Variants in NCAPH observed in about 807,000 individuals in gnomAD.
NCAPH encodes condensin complex subunit 2.
In NCAPH, 38 loss-of-function variants were observed where a neutral mutation model predicts 85.5. The ratio of observed to expected loss-of-function variants is 0.44; its 90% CI spans 0.34 to 0.58. The LOEUF is 0.58. Among genes scored for constraint, NCAPH ranks in the 20% least tolerant of loss-of-function variants. The probability of loss-of-function intolerance (pLI) is 0.01; values close to 1 mark genes in which losing one functional copy is unlikely to be tolerated. For missense variants in NCAPH, 789 were observed against 916.6 expected (o/e 0.86, Z 1.80); for synonymous variants, 301 against 335.1 (o/e 0.90, Z 1.11).
In NCAPH at chr2:96,343,232, G is replaced by A. The variant is rs1401741983; in HGVS notation, c.523G>A (p.Asp175Asn). 37 of 1,614,050 alleles carry A rather than the reference G, an allele frequency of 2.3e-5. No individual in the cohort carries two copies. The highest frequency in any genetic ancestry group is 3.0e-5 in the Non-Finnish European group (35 of 1,180,044). ...YAVRVDAVHA[D>N]VYRVLGGLGK... is the part of the protein sequence containing the mutation. Reference sequence around the variant, plus strand: ...TGTGCGCGTGGATGCCGTCCATGCCGATGTATACAGAGTCCTTGGGGGGCT... The same window carrying A: ...TGTGCGCGTGGATGCCGTCCATGCCAATGTATACAGAGTCCTTGGGGGGCT... Residue 175 changes from aspartate (D) to asparagine (N), a missense_variant, in exon 5 of 18, where the codon GAT becomes AAT. Coordinates refer to ENST00000240423, the MANE Select transcript of NCAPH (RefSeq NM_015341.5).
At chr2:96,345,595 G>C (rs1055361087) in intron 6 of NCAPH, among the ~76,000 whole-genome samples, 4 of 152,306 alleles carry the variant, frequency 2.6e-5, no homozygotes, top group Admixed American at 1.3e-4. Flanking sequence ...CCCTAACAGG[G>C]AGCTGCCGGC....
Position 96,373,561 on chromosome 2 carries a change from T to C in NCAPH, c.*210T>C, listed in dbSNP as rs959810186. Reference sequence around the variant, plus strand: ...CCGTGCTCAACTGATTAAACTTTACTGCCCTATGGTGACCATCTAGGAGAG... The same window carrying C: ...CCGTGCTCAACTGATTAAACTTTACCGCCCTATGGTGACCATCTAGGAGAG... On this transcript the variant is annotated 3_prime_UTR_variant, in exon 18 of 18. Transcript: ENST00000240423. 17 of 511,670 alleles carry C rather than the reference T, an allele frequency of 3.3e-5. No individual in the cohort carries two copies. The highest frequency in any genetic ancestry group is 5.6e-5 in the Non-Finnish European group (16 of 285,370). 31.7% of individuals were successfully genotyped at this position (511,670 alleles called of 1,614,324 possible).
At chr2:96,360,028 C>T in intron 10 of NCAPH, 115 bp from the exon 11 acceptor site, 3 of 665,430 alleles carry the variant, frequency 4.5e-6, no homozygotes, top group South Asian at 1.7e-5. Context: ...TGCTCAGACA[C>T]AATGCTGCCT....
chr2:96,371,951 G>A (rs1040307536), intron 17 of NCAPH, among the ~76,000 whole-genome samples: 8 of 152,212 alleles, frequency 5.3e-5, no homozygotes, highest in Non-Finnish European at 8.8e-5. Context: ...AGCCAGTGAT[G>A]GACGTGAGGC....
chr2:96,349,270 C>T (rs2064404093), intron 6 of NCAPH, among the ~76,000 whole-genome samples: 2 of 152,032 alleles, frequency 1.3e-5, no homozygotes, highest in Admixed American at 6.5e-5. Context: ...GCTTTTTTTG[C>T]TCTGTAAGTT....
chr2:96,348,027 T>C (rs1219429686), intron 6 of NCAPH, among the ~76,000 whole-genome samples: 1 of 152,098 alleles, frequency 6.6e-6, no homozygotes, highest in African/African-American at 2.4e-5. Context: ...GTGTAGCATA[T>C]CACCATGTTT....
At chr2:96,342,264 C>A in intron 3 of NCAPH, 124 bp downstream of exon 3, 2 of 957,446 alleles carry the variant, frequency 2.1e-6, no homozygotes, top group Non-Finnish European at 3.2e-6. Flanking sequence ...CATCTTAGTG[C>A]TGGTGGTTTT....
At chr2:96,357,856 A>G (rs148314069) in intron 9 of NCAPH, among the ~76,000 whole-genome samples, 243 of 152,318 alleles carry the variant, frequency 1.6e-3, no homozygotes, top group African/African-American at 5.1e-3. Flanking sequence ...GGCTCAATAC[A>G]AATACAAGGC....
rs1427116282 is a variant in NCAPH at position 96,374,316 on chromosome 2, AG to A, written c.*966del. ...ACAGGCTCAGCAGTGGGTGGAGAGC[AG>A]TGCTCAGATTTGTCCATCTCCACAG... On this transcript the variant is annotated 3_prime_UTR_variant, in exon 18 of 18. Coordinates refer to ENST00000240423, the MANE Select transcript of NCAPH (RefSeq NM_015341.5). 6.6e-6 allele frequency among the ~76,000 whole-genome samples: 1 copy of A among 152,228 alleles called. No individual in the cohort carries two copies. The highest frequency in any genetic ancestry group is 2.4e-5 in the African/African-American group (1 of 41,454).
Position 96,374,770 on chromosome 2 carries a change from A to C in NCAPH, c.*1419A>C, listed in dbSNP as rs1056944847. ...TCTTGCTGGGGCTGAAGCCTCCATC[A>C]CTTTCCCAGGCCAGGTTAGTGCTGG... On this transcript the variant is annotated 3_prime_UTR_variant, in exon 18 of 18. Coordinates refer to ENST00000240423, the MANE Select transcript of NCAPH (RefSeq NM_015341.5). Among the ~76,000 whole-genome samples, 3 of 152,114 alleles carry C rather than the reference A, an allele frequency of 2.0e-5. No individual in the cohort carries two copies. The highest frequency in any genetic ancestry group is 7.2e-5 in the African/African-American group (3 of 41,426).
intron 1 of NCAPH, among the ~76,000 whole-genome samples, chr2:96,339,782 C>G (rs182919285): frequency 4.8e-4 from 73 of 152,200 alleles, no homozygotes; most frequent in Non-Finnish European, 7.9e-4. Flanking sequence ...CAGTCCTCAT[C>G]TACATAGTTT....
rs754690400 is a variant in NCAPH at position 96,337,101 on chromosome 2, C to T, written c.19+1253C>T. On this transcript the variant is annotated intron_variant, in intron 1 of 17. Transcript: ENST00000240423. ...AATGAGTGGGAAATGAGGAAGTAGACATAGGAAGTGTCTTTGAGCTCAGTA... is the reference window on the plus strand; with the variant it reads ...AATGAGTGGGAAATGAGGAAGTAGATATAGGAAGTGTCTTTGAGCTCAGTA... Among the ~76,000 whole-genome samples the T allele has an allele frequency of 1.8e-4, 27 of 152,280 alleles. No homozygotes were observed. The Middle Eastern group carries it at 0.014, about 77-fold the overall frequency.
At chr2:96,350,978 T>C (rs967132372) in intron 6 of NCAPH, among the ~76,000 whole-genome samples, 4 of 152,242 alleles carry the variant, frequency 2.6e-5, no homozygotes, top group Admixed American at 6.5e-5. Flanking sequence ...GCCTTTGGGC[T>C]TGGTGTCATA....
intron 14 of NCAPH, among the ~76,000 whole-genome samples, chr2:96,366,876 C>CAAAAAA (rs928006104): frequency 5.3e-5 from 2 of 37,558 alleles, no homozygotes; most frequent in African/African-American, 1.1e-4. Flanking sequence ...GACTCCGTCT[C>CAAAAAA]AAAAAAAAAA....
At position 96,373,378 on chromosome 2, in the gene NCAPH, G is replaced by A; in HGVS notation, c.*27G>A. 1 of 1,605,998 alleles carries A rather than the reference G, an allele frequency of 6.2e-7. No homozygotes were observed. The highest frequency in any genetic ancestry group is 8.5e-7 in the Non-Finnish European group (1 of 1,173,070). On this transcript the variant is annotated 3_prime_UTR_variant, in exon 18 of 18. Transcript: ENST00000240423. ...TTCACTATGGAGAAGTCAGCAGCAG[G>A]AGGCCCATCCCTTACTCAGTTGCCG... is the stretch of plus-strand genomic sequence containing the variant.
At chr2:96,345,639 A>G (rs1186430783) in intron 6 of NCAPH, among the ~76,000 whole-genome samples, 1 of 152,196 alleles carries the variant, frequency 6.6e-6, no homozygotes, top group Non-Finnish European at 1.5e-5. Flanking sequence ...CATCACAGCC[A>G]AGGAGAGAGG....
In NCAPH at chr2:96,373,440, G is replaced by C; in HGVS notation, c.*89G>C. 7.8e-7 allele frequency: 1 copy of C among 1,274,292 alleles called. No homozygotes were observed. The highest frequency in any genetic ancestry group is 1.1e-6 in the Non-Finnish European group (1 of 879,156). 78.9% of individuals were successfully genotyped at this position (1,274,292 alleles called of 1,614,324 possible). A position where few individuals can be genotyped will look rare whatever the true frequency, so the allele number is the denominator to read the frequency against. On this transcript the variant is annotated 3_prime_UTR_variant, in exon 18 of 18. Transcript: ENST00000240423. ...GTCTCGGGGGAAGAAGATGCCATGG[G>C]CTTATACCCAGGCTGTAGCCAACTA...
chr2:96,364,840 C>T (rs1040350156), intron 13 of NCAPH, among the ~76,000 whole-genome samples: 3 of 152,200 alleles, frequency 2.0e-5, no homozygotes, highest in Non-Finnish European at 4.4e-5. Context: ...CAAGTGAATG[C>T]GTCGACATGT....
chr2:96,349,884 A>G (rs1186760716), intron 6 of NCAPH, among the ~76,000 whole-genome samples: 2 of 152,218 alleles, frequency 1.3e-5, no homozygotes, highest in African/African-American at 2.4e-5. Context: ...CACATGCTAT[A>G]GGAAACCAGA....
Sources: allele counts gnomAD v4.1 joint callset (sites outside exome capture counted in the v4.1 genomes callset), GRCh38; gene constraint gnomAD v4.1.1; transcripts MANE v1.5; gene names NCBI Gene and HGNC (gene_info 2026-07-23, HGNC 2026-07-21).